Variants in NTNG1 observed in about 807,000 individuals in gnomAD.
NTNG1 encodes the protein netrin-G1.
NTNG1 carries 16 observed loss-of-function variants against 54.0 expected under a neutral mutation model. The ratio of observed to expected loss-of-function variants is 0.30; its 90% confidence interval spans 0.20 to 0.45. The LOEUF is 0.45. Ranked by LOEUF, NTNG1 falls within the 20% of genes least tolerant of loss-of-function variation. NTNG1 has a pLI of 1.00. For synonymous variants in NTNG1, 255 were observed against 263.1 expected (o/e 0.97, Z 0.30); for missense variants, 530 against 678.7 (o/e 0.78, Z 2.43).
chr1:107,228,272 G>A (rs993240084), intron 2 of NTNG1, among the ~76,000 whole-genome samples: 1 of 152,064 alleles, frequency 6.6e-6, no homozygotes, highest in Non-Finnish European at 1.5e-5. Context: ...CTCTTTCTTA[G>A]TATTAATACA....
chr1:107,459,488 G>C (rs1413873282), intron 7 of NTNG1, among the ~76,000 whole-genome samples: 4 of 151,824 alleles, frequency 2.6e-5, no homozygotes, highest in Non-Finnish European at 5.9e-5. Context: ...AGAGAAGATG[G>C]GGGAGGAAAA....
At chr1:107,200,531 C>A (rs188428873) in intron 2 of NTNG1, among the ~76,000 whole-genome samples, 229 of 151,694 alleles carry the variant, frequency 1.5e-3, no homozygotes, top group African/African-American at 5.3e-3. Context: ...AAAGGATTAA[C>A]CAAATCATTC....
chr1:107,265,488 G>A (rs564204902), intron 2 of NTNG1, among the ~76,000 whole-genome samples: 28 of 152,150 alleles, frequency 1.8e-4, no homozygotes, highest in Non-Finnish European at 3.5e-4. Context: ...CAGAATATAA[G>A]CACTGAAAAT....
chr1:107,274,451 G>T (rs1664340793), intron 2 of NTNG1, among the ~76,000 whole-genome samples: 2 of 152,132 alleles, frequency 1.3e-5, no homozygotes, highest in Non-Finnish European at 2.9e-5. Flanking sequence ...TTAATAATTA[G>T]GTCATTTATG....
At chr1:107,331,272 TC>T (rs1668265539) in intron 3 of NTNG1, among the ~76,000 whole-genome samples, 3 of 56,850 alleles carry the variant, frequency 5.3e-5, no homozygotes, top group African/African-American at 1.0e-4. Context: ...AGAGAAGCCA[TC>T]TTTAAATAGC....
At chr1:107,314,397 CAATAAATAAATAAATA>C (rs149611674) in intron 2 of NTNG1, among the ~76,000 whole-genome samples, 37 of 150,838 alleles carry the variant, frequency 2.5e-4, no homozygotes, top group African/African-American at 6.9e-4. Flanking sequence ...GAATCCGTCT[CAATAAATAAATAAATA>C]AATAAATAAA....
chr1:107,413,850 AC>A (rs1674010111), intron 5 of NTNG1, among the ~76,000 whole-genome samples: 1 of 152,202 alleles, frequency 6.6e-6, no homozygotes, highest in Non-Finnish European at 1.5e-5. Context: ...TTTTCATTCT[AC>A]CATGACATTA....
At chr1:107,279,055 T>A (rs926849521) in intron 2 of NTNG1, among the ~76,000 whole-genome samples, 1 of 152,198 alleles carries the variant, frequency 6.6e-6, no homozygotes, top group Admixed American at 6.5e-5. Flanking sequence ...TATGACTACA[T>A]TGATGTTGGT....
At chr1:107,430,228 T>C (rs1032349171) in intron 5 of NTNG1, among the ~76,000 whole-genome samples, 2 of 152,106 alleles carry the variant, frequency 1.3e-5, no homozygotes, top group African/African-American at 4.8e-5. Flanking sequence ...AGAACTCTAT[T>C]AAATTTGCCA....
chr1:107,393,779 A>G (rs1672509366), intron 3 of NTNG1, among the ~76,000 whole-genome samples: 1 of 152,042 alleles, frequency 6.6e-6, no homozygotes, highest in African/African-American at 2.4e-5. Context: ...CAGAAAGATT[A>G]TGGAGGCACT....
chr1:107,458,222 C>G (rs1677069963), intron 7 of NTNG1, among the ~76,000 whole-genome samples: 5 of 152,078 alleles, frequency 3.3e-5, no homozygotes, highest in Admixed American at 3.3e-4. Context: ...TTATACTACT[C>G]CAGTGGCAAT....
At chr1:107,216,338 T>C (rs1659956510) in intron 2 of NTNG1, among the ~76,000 whole-genome samples, 1 of 152,210 alleles carries the variant, frequency 6.6e-6, no homozygotes, top group African/African-American at 2.4e-5. Flanking sequence ...CCAGTTTTGC[T>C]AAGGGTTTTA....
chr1:107,160,327 T>C (rs533903734), intron 2 of NTNG1, among the ~76,000 whole-genome samples: 81 of 152,228 alleles, frequency 5.3e-4, no homozygotes, highest in African/African-American at 1.8e-3. Context: ...TCACAACATA[T>C]ATTAGCAAGT....
At chr1:107,461,161 T>C (rs1251076123) in intron 7 of NTNG1, among the ~76,000 whole-genome samples, 1 of 152,200 alleles carries the variant, frequency 6.6e-6, no homozygotes. Flanking sequence ...TAGACCCTGC[T>C]CTCAAGGAGC....
At chr1:107,349,361 G>T (rs999952480) in intron 3 of NTNG1, among the ~76,000 whole-genome samples, 2 of 151,442 alleles carry the variant, frequency 1.3e-5, no homozygotes, top group African/African-American at 4.9e-5. Flanking sequence ...TTTTTTCTAT[G>T]CATATATGTA....
At chr1:107,467,392 T>C (rs1374455583) in intron 7 of NTNG1, among the ~76,000 whole-genome samples, 1 of 152,236 alleles carries the variant, frequency 6.6e-6, no homozygotes, top group African/African-American at 2.4e-5. Context: ...ACAATTACCA[T>C]TTCTGTGACT....
chr1:107,209,649 G>A (rs1009710358), intron 2 of NTNG1, among the ~76,000 whole-genome samples: 9 of 152,110 alleles, frequency 5.9e-5, no homozygotes, highest in African/African-American at 1.7e-4. Flanking sequence ...GACCTTAGTT[G>A]GGCCAATTGA....
chr1:107,267,652 T>C (rs1415551703), intron 2 of NTNG1, among the ~76,000 whole-genome samples: 2 of 152,150 alleles, frequency 1.3e-5, no homozygotes, highest in Admixed American at 1.3e-4. Flanking sequence ...CCCCAGGGTG[T>C]CCACCATACT....
At chr1:107,420,646 A>T (rs1674518006) in intron 5 of NTNG1, among the ~76,000 whole-genome samples, 1 of 152,022 alleles carries the variant, frequency 6.6e-6, no homozygotes, top group Non-Finnish European at 1.5e-5. Context: ...ATGTTCTAGG[A>T]TGCCTAATTA....
Sources: allele counts gnomAD v4.1 joint callset (sites outside exome capture counted in the v4.1 genomes callset), GRCh38; gene constraint gnomAD v4.1.1; transcripts MANE v1.5; gene names NCBI Gene and HGNC (gene_info 2026-07-23, HGNC 2026-07-21).